The following CYP39A1 variants were observed in gnomAD, a reference collection of about 807,000 sequenced individuals.
CYP39A1 encodes the protein cytochrome P450 family 39 subfamily A member 1, also known as 24-hydroxycholesterol 7-alpha-hydroxylase.
A neutral mutation model predicts 58.1 loss-of-function variants in CYP39A1; 49 were observed. That is an observed-to-expected ratio of 0.84 (90% CI 0.67 to 1.07). The LOEUF is 1.07. Among genes scored for constraint, CYP39A1 ranks in the 50% least tolerant of loss-of-function variants. The probability of loss-of-function intolerance (pLI) is 0.00; values close to 1 mark genes in which losing one functional copy is unlikely to be tolerated. For missense variants in CYP39A1, 531 were observed against 539.4 expected (o/e 0.98, Z 0.16); for synonymous variants, 209 against 187.6 (o/e 1.11, Z -0.93).
At chr6:46,608,505 T>A (rs1469309306) in intron 7 of CYP39A1, among the ~76,000 whole-genome samples, 1 of 152,150 alleles carries the variant, frequency 6.6e-6, no homozygotes, top group Non-Finnish European at 1.5e-5. Context: ...GTTCAGCAAT[T>A]CCATTTTTTA....
In CYP39A1 at chr6:46,625,518, A is replaced by G. The variant is rs750684455; in HGVS notation, c.841-10T>C. 6.3e-7 allele frequency: 1 copy of G among 1,588,998 alleles called. No individual in the cohort carries two copies. The highest frequency in any genetic ancestry group is 8.6e-7 in the Non-Finnish European group (1 of 1,160,868). On this transcript the variant is annotated splice_polypyrimidine_tract_variant and intron_variant, in intron 6 of 11. Coordinates refer to ENST00000275016, the MANE Select transcript of CYP39A1 (RefSeq NM_016593.5). The stretch of plus-strand genomic sequence containing the variant: ...GTGTCCAAAATGCAACCTTAAAAAG[A>G]AAAACATATATCAAAAATATGAACT...
In CYP39A1 at chr6:46,637,798, C is replaced by A; in HGVS notation, c.638+31G>T. 3.7e-6 allele frequency: 6 copies of A among 1,601,196 alleles called. No individual in the cohort carries two copies. In the South Asian group the frequency reaches 6.8e-5, roughly 18 times the overall value. The stretch of plus-strand genomic sequence containing the variant: ...GTTGAATTGCTGAGATAAGCTTGGT[C>A]AATGAATTAATTATAGGAAACAACT... On this transcript the variant is annotated intron_variant, in intron 4 of 11. Coordinates refer to ENST00000275016, the MANE Select transcript of CYP39A1 (RefSeq NM_016593.5).
intron 7 of CYP39A1, among the ~76,000 whole-genome samples, chr6:46,615,075 A>C (rs1774444722): frequency 6.6e-6 from 1 of 152,098 alleles, no homozygotes; most frequent in Admixed American, 6.6e-5. Flanking sequence ...TTTCATGGTA[A>C]TATCCTAGTT....
At chr6:46,624,781 G>T (rs1303811915) in intron 7 of CYP39A1, among the ~76,000 whole-genome samples, 1 of 152,090 alleles carries the variant, frequency 6.6e-6, no homozygotes, top group Non-Finnish European at 1.5e-5. Flanking sequence ...GAATAAACAA[G>T]TAGTTGAGTA....
chr6:46,556,508 C>G (rs547761256), intron 10 of CYP39A1, among the ~76,000 whole-genome samples: 8 of 152,122 alleles, frequency 5.3e-5, no homozygotes, highest in African/African-American at 1.9e-4. Context: ...GGAAAAAGAA[C>G]CACAAAAGGG....
rs575452238 is a variant in CYP39A1 at position 46,576,201 on chromosome 6, G to A, written c.1250+10876C>T. Among the ~76,000 whole-genome samples, 94 of 152,238 alleles carry A rather than the reference G, an allele frequency of 6.2e-4. 1 individual carries two copies. In the South Asian group the frequency reaches 0.019, roughly 30 times the overall value. ...GTATTATGAGGACAGAGCCAAGAGG[G>A]ATGGTACTAAATCATTCGTGGAAAA... On this transcript the variant is annotated intron_variant, in intron 10 of 11. Transcript: ENST00000275016.
chr6:46,646,582 A>G (rs1023344852), intron 1 of CYP39A1, among the ~76,000 whole-genome samples: 4 of 152,128 alleles, frequency 2.6e-5, no homozygotes, highest in Admixed American at 2.0e-4. Context: ...TTCATAAAAT[A>G]GACTGGGAAA....
chr6:46,635,304 T>G lies in CYP39A1; in HGVS notation c.732+1085A>C, dbSNP rs549078291. ...ATTTAATTCCCACAACTTTATGCGG[T>G]GAGGAAACTGAGGCCAAGAGACTAG... On this transcript the variant is annotated intron_variant, in intron 5 of 11. Coordinates refer to ENST00000275016, the MANE Select transcript of CYP39A1 (RefSeq NM_016593.5). 3.9e-5 allele frequency among the ~76,000 whole-genome samples: 6 copies of G among 152,184 alleles called. No homozygotes were observed. In the South Asian group the frequency reaches 1.2e-3, roughly 32 times the overall value.
chr6:46,608,946 A>G (rs921585463), intron 7 of CYP39A1, among the ~76,000 whole-genome samples: 5 of 152,152 alleles, frequency 3.3e-5, no homozygotes, highest in Admixed American at 3.3e-4. Context: ...ATTTATAGAT[A>G]GCGAGAATGG....
intron 1 of CYP39A1, among the ~76,000 whole-genome samples, chr6:46,650,383 C>CTT (rs34431587): frequency 0.027 from 3,887 of 145,934 alleles, 61 homozygotes; most frequent in Non-Finnish European, 0.03. Flanking sequence ...AGCACTCTGG[C>CTT]TTTTTTTTTT....
In CYP39A1 at chr6:46,618,812, T is replaced by C. The variant is rs146440729; in HGVS notation, c.931+6606A>G. Among the ~76,000 whole-genome samples, 406 of 152,200 alleles carry C rather than the reference T, an allele frequency of 2.7e-3. 3 individuals are homozygous for C. The highest frequency in any genetic ancestry group is 9.4e-3 in the African/African-American group (390 of 41,538). ...GAAAACCTTCCTGGCTGGGGAGAGA[T>C]TGCTCCTCTCCCTCTCGGGGCAAGC... On this transcript the variant is annotated intron_variant, in intron 7 of 11. Coordinates refer to ENST00000275016, the MANE Select transcript of CYP39A1 (RefSeq NM_016593.5).
intron 2 of CYP39A1, among the ~76,000 whole-genome samples, chr6:46,640,830 T>C (rs977770284): frequency 6.9e-6 from 1 of 145,586 alleles, no homozygotes; most frequent in Admixed American, 7.1e-5. Context: ...TTGAAGTAAC[T>C]TTTTCAAAGA....
At chr6:46,637,580 C>T (rs1776067079) in intron 4 of CYP39A1, among the ~76,000 whole-genome samples, 1 of 152,154 alleles carries the variant, frequency 6.6e-6, no homozygotes, top group Admixed American at 6.6e-5. Flanking sequence ...GATAAAAGAC[C>T]TCAAAATAAA....
chr6:46,557,933 CAAAAAAAA>C (rs1186594398), intron 10 of CYP39A1, among the ~76,000 whole-genome samples: 4 of 37,628 alleles, frequency 1.1e-4, no homozygotes, highest in Middle Eastern at 0.015. Context: ...GACTCCATCT[CAAAAAAAA>C]AAAAAAAAAA....
intron 10 of CYP39A1, among the ~76,000 whole-genome samples, chr6:46,583,948 C>T (rs1037926836): frequency 6.6e-6 from 1 of 152,124 alleles, no homozygotes; most frequent in African/African-American, 2.4e-5. Flanking sequence ...CTTTCTCTGA[C>T]TCACTGAGTA....
At chr6:46,623,332 C>T (rs1371935129) in intron 7 of CYP39A1, among the ~76,000 whole-genome samples, 1 of 151,966 alleles carries the variant, frequency 6.6e-6, no homozygotes, top group Non-Finnish European at 1.5e-5. Context: ...CAGGGTTCTC[C>T]AGAGAAACAA....
chr6:46,571,675 C>T (rs75568952), intron 10 of CYP39A1, among the ~76,000 whole-genome samples: 5,272 of 150,918 alleles, frequency 0.035, 142 homozygotes, highest in Non-Finnish European at 0.048. Context: ...TTTTTTTTTA[C>T]CAATTCAGTT....
chr6:46,619,476 C>T (rs921974575), intron 7 of CYP39A1, among the ~76,000 whole-genome samples: 1 of 151,984 alleles, frequency 6.6e-6, no homozygotes, highest in African/African-American at 2.4e-5. Flanking sequence ...GATTCTCTAA[C>T]TTGTCTTACT....
chr6:46,599,711 C>G (rs1441144884), intron 7 of CYP39A1, among the ~76,000 whole-genome samples: 1 of 152,134 alleles, frequency 6.6e-6, no homozygotes, highest in African/African-American at 2.4e-5. Context: ...CTATAAAATA[C>G]CATCAGTGGG....
Sources: allele counts gnomAD v4.1 joint callset (sites outside exome capture counted in the v4.1 genomes callset), GRCh38; gene constraint gnomAD v4.1.1; transcripts MANE v1.5; gene names NCBI Gene and HGNC (gene_info 2026-07-23, HGNC 2026-07-21).